Variants in TTYH2 observed in about 807,000 individuals in gnomAD.
The protein encoded by TTYH2 is protein tweety homolog 2.
A neutral mutation model predicts 68.3 loss-of-function variants in TTYH2; 49 were observed. The ratio of observed to expected loss-of-function variants is 0.72; its 90% CI spans 0.57 to 0.91. The LOEUF (loss-of-function observed/expected upper bound fraction) is 0.91. TTYH2 is among the 40% of genes least tolerant of loss of function. The pLI, the probability that TTYH2 is intolerant of heterozygous loss-of-function variation, is 0.00. For synonymous variants in TTYH2, 272 were observed against 300.8 expected (o/e 0.90, Z 0.99); for missense variants, 631 against 700.4 (o/e 0.90, Z 1.12).
At chr17:74,249,495 C>T in intron 8 of TTYH2, 96 bp downstream of exon 8, 1 of 1,341,714 alleles carries the variant, frequency 7.5e-7, no homozygotes, top group Non-Finnish European at 1.1e-6. Context: ...GTGGCAGGGC[C>T]TTGCTTGCCT....
Position 74,213,790 on chromosome 17 carries a change from C to G in TTYH2, c.129+74C>G. On this transcript the variant is annotated intron_variant, in intron 1 of 13. Coordinates refer to ENST00000269346, the MANE Select transcript of TTYH2 (RefSeq NM_032646.6). This position sits in a 1 kb window ranked among gnomAD's most constrained non-coding sequence, Gnocchi z 6.1. Reference sequence around the variant, plus strand: ...GCACTACCCCCTCTCCCCTCGAGAGCCTGCACTTTCCCACGTGCCTCTCAG... The same window carrying G: ...GCACTACCCCCTCTCCCCTCGAGAGGCTGCACTTTCCCACGTGCCTCTCAG... 2.6e-6 allele frequency: 4 copies of G among 1,539,380 alleles called. No homozygotes were observed. The highest frequency in any genetic ancestry group is 3.5e-6 in the Non-Finnish European group (4 of 1,133,874).
rs2050382877 is a variant in TTYH2, at chr17:74,230,981, C to T, written c.396C>T (p.Phe132=). 1 of 1,614,050 alleles carries T rather than the reference C, an allele frequency of 6.2e-7. No individual in the cohort carries two copies. Among genetic ancestry groups the T allele is most frequent in the Non-Finnish European group, 8.5e-7 (1 of 1,179,980 alleles). Residue 132 remains phenylalanine, a synonymous_variant, in exon 3 of 14, where the codon TTC becomes TTT. Coordinates refer to ENST00000269346, the MANE Select transcript of TTYH2 (RefSeq NM_032646.6). ...CCTTGGACGATGCCAACCACACCTTCTCTGGGATCGATGCTCTGGTAAGGC... is the reference window on the plus strand; with the variant it reads ...CCTTGGACGATGCCAACCACACCTTTTCTGGGATCGATGCTCTGGTAAGGC... ...MYSLDDANHT[F]SGIDALVSGT... is the part of the protein sequence containing the mutation.
chr17:74,230,256 C>CTT (rs2050374245), intron 2 of TTYH2, among the ~76,000 whole-genome samples: 1 of 108,800 alleles, frequency 9.2e-6, no homozygotes, highest in African/African-American at 5.6e-5. Flanking sequence ...GTCATTTTTT[C>CTT]ATTTTTTTTT....
intron 2 of TTYH2, 26 bp from the exon 3 acceptor site, chr17:74,230,842 TCCTCTGTGTATCACCTCTAA>T: frequency 6.3e-7 from 1 of 1,587,302 alleles, no homozygotes. Context: ...GCAAACATTC[TCCTCTGTGTATCACCTCTAA>T]CCTCTGTTTG....
chr17:74,253,019 C>T (rs1189808188), intron 11 of TTYH2, 62 bp from the exon 12 acceptor site: 1 of 1,571,024 alleles, frequency 6.4e-7, no homozygotes, highest in South Asian at 1.1e-5. Context: ...TAGGACAGGA[C>T]CTGGCTGCCT....
At chr17:74,220,193 C>CAGGGGCTGCCA (rs1242328963) in intron 1 of TTYH2, among the ~76,000 whole-genome samples, 1 of 152,174 alleles carries the variant, frequency 6.6e-6, no homozygotes, top group Non-Finnish European at 1.5e-5. Context: ...AGAGAGGCCT[C>CAGGGGCTGCCA]AGGGGCTGCC....
In TTYH2 at chr17:74,241,419, C is replaced by T. The variant is rs969949487; in HGVS notation, c.636-1955C>T. Among the ~76,000 whole-genome samples, 1 of 152,148 alleles carries T rather than the reference C, an allele frequency of 6.6e-6. No homozygotes were observed. Among genetic ancestry groups the T allele is most frequent in the Non-Finnish European group, 1.5e-5 (1 of 68,026 alleles). ...CAGGCTCTGCCCACTCCCCAAAGCC[C>T]CCGGCTCCATTCCGGGGAACCCCAG... On this transcript the variant is annotated intron_variant, in intron 4 of 13. Coordinates refer to ENST00000269346, the MANE Select transcript of TTYH2 (RefSeq NM_032646.6). The surrounding 1 kb of genome is among the most constrained non-coding windows in gnomAD (Gnocchi z 4.1).
intron 5 of TTYH2, 127 bp from the exon 6 acceptor site, chr17:74,243,850 C>A: frequency 1.2e-6 from 1 of 845,676 alleles, no homozygotes. Context: ...TGAGCAGGGC[C>A]CACGTCAGGG....
chr17:74,225,469 C>T (rs916798504), intron 2 of TTYH2, among the ~76,000 whole-genome samples: 3 of 152,046 alleles, frequency 2.0e-5, no homozygotes, highest in Non-Finnish European at 2.9e-5. Flanking sequence ...TAGCGTGACC[C>T]GATAACTCAA....
At chr17:74,243,881 G>A in intron 5 of TTYH2, 96 bp from the exon 6 acceptor site, 1 of 1,171,312 alleles carries the variant, frequency 8.5e-7, no homozygotes, top group Middle Eastern at 2.8e-4. Flanking sequence ...GGCTGCCTTT[G>A]GATCCATTGC....
In TTYH2 at chr17:74,215,620, A is replaced by G. The variant is rs1183267402; in HGVS notation, c.129+1904A>G. On this transcript the variant is annotated intron_variant, in intron 1 of 13. Transcript: ENST00000269346. The surrounding 1 kb of genome is among the most constrained non-coding windows in gnomAD (Gnocchi z 4.3). The stretch of plus-strand genomic sequence containing the variant: ...GGCTCCTGGTCCCGCTCACCCCCTC[A>G]CCACCACTCAGATCGCTGAGTAGGA... 44 of 1,535,144 alleles carry G rather than the reference A, an allele frequency of 2.9e-5. No homozygotes were observed. Among genetic ancestry groups the G allele is most frequent in the Middle Eastern group, 1.7e-4 (1 of 5,940 alleles).
At position 74,213,640 on chromosome 17, in the gene TTYH2, A is replaced by C. The variant is rs757266785; in HGVS notation, c.53A>C (p.His18Pro). ...GCTCCCTGGTGGGTCGTGTGGCTGC[A>C]CAGCGTCCCGCACGTCGGCCTGCGC... is the stretch of plus-strand genomic sequence containing the variant. ...YIAPWWVVWLHSVPHVGLRLQ... is the reference protein window; with the variant it reads ...YIAPWWVVWLPSVPHVGLRLQ... The change falls in exon 1 of 14, where the codon CAC becomes CCC. Residue 18 changes from histidine (H) to proline (P), a missense_variant. Coordinates refer to ENST00000269346, the MANE Select transcript of TTYH2 (RefSeq NM_032646.6). This position sits in a 1 kb window ranked among gnomAD's most constrained non-coding sequence, Gnocchi z 6.1. 2.5e-6 allele frequency: 4 copies of C among 1,611,750 alleles called. No individual in the cohort carries two copies. In the South Asian group the frequency reaches 4.4e-5, roughly 18 times the overall value.
At position 74,214,568 on chromosome 17, in the gene TTYH2, GCACC is replaced by G. The variant is rs2050203811; in HGVS notation, c.129+854_129+857del. Among the ~76,000 whole-genome samples the G allele has an allele frequency of 6.6e-6, 1 of 152,080 alleles. No individual in the cohort carries two copies. Among genetic ancestry groups the G allele is most frequent in the Non-Finnish European group, 1.5e-5 (1 of 68,004 alleles). ...CTCTGCTGACCCTTGGCAGGATTCT[GCACC>G]CCACAAACAGGGCCAGGGCTCCCCA... On this transcript the variant is annotated intron_variant, in intron 1 of 13. Transcript: ENST00000269346. The surrounding 1 kb of genome is among the most constrained non-coding windows in gnomAD (Gnocchi z 4.6).
intron 2 of TTYH2, among the ~76,000 whole-genome samples, chr17:74,230,417 T>C (rs2050376359): frequency 6.6e-6 from 1 of 152,150 alleles, no homozygotes; most frequent in African/African-American, 2.4e-5. Context: ...TATCCATATG[T>C]CCAAACCTAT....
Position 74,213,579 on chromosome 17 carries a change from G to C in TTYH2, c.-9G>C, listed in dbSNP as rs780433947. 7 of 1,608,646 alleles carry C rather than the reference G, an allele frequency of 4.4e-6. No individual in the cohort carries two copies. Among genetic ancestry groups the C allele is most frequent in the East Asian group, 4.5e-5 (2 of 44,606 alleles). ...TCGTTCAGCTTGTGGGTAGCACTCG[G>C]GCCGAGCCATGCAGGCGGCGCGCGT... On this transcript the variant is annotated 5_prime_UTR_variant, in exon 1 of 14. Coordinates refer to ENST00000269346, the MANE Select transcript of TTYH2 (RefSeq NM_032646.6). This position sits in a 1 kb window ranked among gnomAD's most constrained non-coding sequence, Gnocchi z 6.1.
Position 74,239,304 on chromosome 17 carries a change from G to A in TTYH2, c.635+1790G>A, listed in dbSNP as rs1296047624. 6.6e-6 allele frequency among the ~76,000 whole-genome samples: 1 copy of A among 152,220 alleles called. No individual in the cohort carries two copies. The highest frequency in any genetic ancestry group is 2.4e-5 in the African/African-American group (1 of 41,464). On this transcript the variant is annotated intron_variant, in intron 4 of 13. Transcript: ENST00000269346. The surrounding 1 kb of genome is among the most constrained non-coding windows in gnomAD (Gnocchi z 5.3). Reference sequence around the variant, plus strand: ...CCCGGCTGAATGATGGCCTGGGCTTGTGCTCCCAGGGCCCGGGCCTAGCAT... The same window carrying A: ...CCCGGCTGAATGATGGCCTGGGCTTATGCTCCCAGGGCCCGGGCCTAGCAT...
Position 74,261,701 on chromosome 17 carries a change from G to A in TTYH2, c.*1492G>A, listed in dbSNP as rs2050752612. 6.6e-6 allele frequency: 1 copy of A among 152,412 alleles called. No individual in the cohort carries two copies. Among genetic ancestry groups the A allele is most frequent in the Admixed American group, 6.5e-5 (1 of 15,274 alleles). The allele number at this position is 152,412 out of a possible 1,614,324, so 9.4% of individuals were successfully genotyped here. The stretch of plus-strand genomic sequence containing the variant: ...CCTGTCATCAAAACATGGACAGCAG[G>A]GTGTTCTCAGCTCCCAGCGAAGCCT... On this transcript the variant is annotated 3_prime_UTR_variant, in exon 14 of 14. Coordinates refer to ENST00000269346, the MANE Select transcript of TTYH2 (RefSeq NM_032646.6).
rs554053373 is a variant in TTYH2, at chr17:74,221,158, T to G, written c.130-1327T>G. 3.9e-5 allele frequency among the ~76,000 whole-genome samples: 6 copies of G among 152,220 alleles called. No homozygotes were observed. In the South Asian group the frequency reaches 1.2e-3, roughly 32 times the overall value. On this transcript the variant is annotated intron_variant, in intron 1 of 13. Coordinates refer to ENST00000269346, the MANE Select transcript of TTYH2 (RefSeq NM_032646.6). ...CCCAAGTGAGCCATCTCTCCTGCCT[T>G]TTTCTGGGCTGCCCCCATCACTTCA...
chr17:74,213,640 A>G lies in TTYH2; in HGVS notation c.53A>G (p.His18Arg). The G allele has an allele frequency of 6.2e-7, 1 of 1,611,866 alleles. No homozygotes were observed. ...GCTCCCTGGTGGGTCGTGTGGCTGC[A>G]CAGCGTCCCGCACGTCGGCCTGCGC... ...YIAPWWVVWL[H>R]SVPHVGLRLQ... Residue 18 changes from histidine (H) to arginine (R), a missense_variant, in exon 1 of 14, where the codon CAC becomes CGC. His to Arg is a conservative substitution (Grantham distance 29). Transcript: ENST00000269346. This position sits in a 1 kb window ranked among gnomAD's most constrained non-coding sequence, Gnocchi z 6.1.
Sources: allele counts gnomAD v4.1 joint callset (sites outside exome capture counted in the v4.1 genomes callset), GRCh38; gene constraint gnomAD v4.1.1; non-coding constraint Gnocchi (gnomAD v3.1); transcripts MANE v1.5; gene names NCBI Gene and HGNC (gene_info 2026-07-23, HGNC 2026-07-21).